PDZRN4: variants seen among roughly 807,000 people sequenced by gnomAD.
PDZRN4 encodes the protein PDZ domain containing ring finger 4, also known as PDZ domain-containing RING finger protein 4.
In PDZRN4, 70 loss-of-function variants were observed where a neutral mutation model predicts 99.0. That is an observed-to-expected ratio of 0.71 (90% CI 0.58 to 0.86). The LOEUF (loss-of-function observed/expected upper bound fraction) is 0.86, where lower values mean the gene tolerates loss of function less well. PDZRN4 is among the 40% of genes least tolerant of loss of function. The pLI, the probability that PDZRN4 is intolerant of heterozygous loss-of-function variation, is 0.00. For synonymous variants in PDZRN4, 551 were observed against 501.6 expected (o/e 1.10, Z -1.32); for missense variants, 1,474 against 1,331.2 (o/e 1.11, Z -1.67).
At chr12:41,508,909 T>A (rs1465705066) in intron 4 of PDZRN4, among the ~76,000 whole-genome samples, 7 of 152,172 alleles carry the variant, frequency 4.6e-5, no homozygotes, top group Non-Finnish European at 1.0e-4. Context: ...AGAGGTCTCA[T>A]CTGCAACCAA....
At chr12:41,355,081 C>G (rs1205318395) in intron 3 of PDZRN4, among the ~76,000 whole-genome samples, 1 of 151,924 alleles carries the variant, frequency 6.6e-6, no homozygotes, top group African/African-American at 2.4e-5. Context: ...ATATTCTTGC[C>G]CTCTGTTGTC....
chr12:41,545,280 G>A (rs762097107), intron 5 of PDZRN4, among the ~76,000 whole-genome samples: 2 of 152,040 alleles, frequency 1.3e-5, no homozygotes, highest in Non-Finnish European at 2.9e-5. Context: ...TCTTAGCTTC[G>A]CACACATTAA....
intron 3 of PDZRN4, among the ~76,000 whole-genome samples, chr12:41,211,465 G>GTT (rs201752288): frequency 1.9e-4 from 28 of 150,602 alleles, no homozygotes; most frequent in African/African-American, 6.1e-4. Flanking sequence ...GAATAGATCT[G>GTT]TTTTTTTTTC....
intron 3 of PDZRN4, among the ~76,000 whole-genome samples, chr12:41,194,451 A>T (rs1950758857): frequency 6.6e-6 from 1 of 152,142 alleles, no homozygotes; most frequent in South Asian, 2.1e-4. Flanking sequence ...ACTGGGCAAC[A>T]TTGTGAGACT....
chr12:41,194,440 G>T (rs1240326989), intron 3 of PDZRN4, among the ~76,000 whole-genome samples: 3 of 152,124 alleles, frequency 2.0e-5, no homozygotes, highest in Non-Finnish European at 4.4e-5. Flanking sequence ...TTCGAGACCT[G>T]ACTGGGCAAC....
intron 3 of PDZRN4, among the ~76,000 whole-genome samples, chr12:41,500,396 T>C (rs982086641): frequency 2.2e-4 from 34 of 152,166 alleles, no homozygotes; most frequent in African/African-American, 8.2e-4. Context: ...GTCTGCTTAT[T>C]GTGTCACATG....
intron 3 of PDZRN4, among the ~76,000 whole-genome samples, chr12:41,313,748 G>T (rs1330793151): frequency 1.3e-5 from 2 of 152,180 alleles, no homozygotes; most frequent in African/African-American, 4.8e-5. Flanking sequence ...CAAGTCAGAG[G>T]CAGGGCAGGA....
At chr12:41,324,251 T>G (rs1951696652) in intron 3 of PDZRN4, among the ~76,000 whole-genome samples, 1 of 152,046 alleles carries the variant, frequency 6.6e-6, no homozygotes, top group African/African-American at 2.4e-5. Flanking sequence ...AACATCCCAT[T>G]TATATCTTAC....
chr12:41,341,109 G>A (rs1951813153), intron 3 of PDZRN4, among the ~76,000 whole-genome samples: 1 of 151,092 alleles, frequency 6.6e-6, no homozygotes, highest in South Asian at 2.1e-4. Flanking sequence ...ACAAAAACGT[G>A]ATCATTTCAA....
At chr12:41,346,920 G>T (rs1444900206) in intron 3 of PDZRN4, among the ~76,000 whole-genome samples, 1 of 152,024 alleles carries the variant, frequency 6.6e-6, no homozygotes, top group African/African-American at 2.4e-5. Flanking sequence ...GTTTGTGTCT[G>T]TTTTCTTTCA....
At chr12:41,335,798 C>T (rs944171254) in intron 3 of PDZRN4, among the ~76,000 whole-genome samples, 1 of 152,024 alleles carries the variant, frequency 6.6e-6, no homozygotes, top group Non-Finnish European at 1.5e-5. Context: ...TGAAATATAA[C>T]TCTTGATTTC....
intron 3 of PDZRN4, among the ~76,000 whole-genome samples, chr12:41,335,429 AC>A (rs1404899172): frequency 6.6e-6 from 1 of 151,996 alleles, no homozygotes; most frequent in Non-Finnish European, 1.5e-5. Context: ...CAAATGTTGT[AC>A]TTTTTCTTAT....
At chr12:41,337,826 C>T (rs972426303) in intron 3 of PDZRN4, among the ~76,000 whole-genome samples, 2 of 152,064 alleles carry the variant, frequency 1.3e-5, no homozygotes, top group African/African-American at 4.8e-5. Flanking sequence ...TCTTCTTAAA[C>T]GGACCAAAGC....
At chr12:41,365,369 T>TG (rs1565563208) in intron 3 of PDZRN4, among the ~76,000 whole-genome samples, 1 of 151,406 alleles carries the variant, frequency 6.6e-6, no homozygotes, top group Non-Finnish European at 1.5e-5. Context: ...ATAATGTGTG[T>TG]TTTTTTTTAA....
intron 3 of PDZRN4, among the ~76,000 whole-genome samples, chr12:41,358,309 A>G (rs989790666): frequency 3.9e-5 from 6 of 152,120 alleles, no homozygotes; most frequent in Middle Eastern, 3.4e-3. Context: ...ACTCTCATAT[A>G]TATTTCCTCA....
chr12:41,296,989 G>C (rs951753489), intron 3 of PDZRN4, among the ~76,000 whole-genome samples: 1 of 152,018 alleles, frequency 6.6e-6, no homozygotes, highest in African/African-American at 2.4e-5. Flanking sequence ...AATCTGTAAA[G>C]GGCATCAATT....
intron 3 of PDZRN4, among the ~76,000 whole-genome samples, chr12:41,426,269 G>A (rs182642328): frequency 1.5e-4 from 23 of 151,858 alleles, no homozygotes; most frequent in African/African-American, 5.6e-4. Flanking sequence ...GTTCGGTGGG[G>A]GCTTCTTTAT....
chr12:41,215,232 G>GGCTTA (rs1950912903), intron 3 of PDZRN4, among the ~76,000 whole-genome samples: 1 of 151,992 alleles, frequency 6.6e-6, no homozygotes, highest in Admixed American at 6.6e-5. Flanking sequence ...TTAGAAAAAT[G>GGCTTA]GAAATTGTTT....
chr12:41,404,168 G>T (rs569651488), intron 3 of PDZRN4, among the ~76,000 whole-genome samples: 1 of 152,038 alleles, frequency 6.6e-6, no homozygotes, highest in South Asian at 2.1e-4. Context: ...TTTAATTTTT[G>T]TATTGTTATT....
Sources: gnomAD v4.1 joint callset for allele counts (sites outside exome capture counted in the v4.1 genomes callset) on GRCh38, gnomAD v4.1.1 for gene constraint, MANE v1.5 for transcripts, NCBI Gene and HGNC (gene_info 2026-07-23, HGNC 2026-07-21) for gene names.